Variants in MECOM observed in about 807,000 individuals in gnomAD.
MECOM encodes the protein histone-lysine N-methyltransferase MECOM.
MECOM carries 13 observed loss-of-function variants against 116.3 expected under a neutral mutation model. The ratio of observed to expected loss-of-function variants is 0.11; its 90% CI spans 0.07 to 0.18. MECOM has a LOEUF of 0.18. Ranked by LOEUF, MECOM falls within the 10% of genes least tolerant of loss-of-function variation. MECOM has a pLI of 1.00. For synonymous variants in MECOM, 528 were observed against 535.2 expected, an observed-to-expected ratio of 0.99 and a Z score of 0.19; for missense variants, 1,299 against 1,509.0, an observed-to-expected ratio of 0.86 and a Z score of 2.31.
At chr3:169,424,521 C>A (rs931787594) in intron 1 of MECOM, among the ~76,000 whole-genome samples, 2 of 152,128 alleles carry the variant, frequency 1.3e-5, no homozygotes, top group Non-Finnish European at 2.9e-5. Context: ...CACAATTGTA[C>A]AAACCTCCAT....
At chr3:169,638,054 C>A (rs182291706) in intron 1 of MECOM, among the ~76,000 whole-genome samples, 3 of 152,230 alleles carry the variant, frequency 2.0e-5, no homozygotes, top group East Asian at 3.9e-4. Flanking sequence ...TCATCTGACA[C>A]CTGAAGGATG....
intron 2 of MECOM, among the ~76,000 whole-genome samples, chr3:169,170,470 A>G (rs1744255334): frequency 6.6e-6 from 1 of 151,888 alleles, no homozygotes; most frequent in Non-Finnish European, 1.5e-5. Context: ...CAACCCTCGA[A>G]TTACATTGTT....
At position 169,209,506 on chromosome 3, in the gene MECOM, C is replaced by T. The variant is rs144122326; in HGVS notation, c.376-65674G>A. Among the ~76,000 whole-genome samples, 776 of 150,120 alleles carry T rather than the reference C, an allele frequency of 5.2e-3. 25 individuals are homozygous for T. Among genetic ancestry groups the T allele is most frequent in the Admixed American group, 0.044 (669 of 15,162 alleles). On this transcript the variant is annotated intron_variant, in intron 2 of 16. Transcript: ENST00000651503. ...TCTACAAGGAACTTAAACAAATTTA[C>T]GAGAAAAAAACAAACAACCCCATCA...
chr3:169,182,460 C>G (rs1746095351), intron 2 of MECOM, among the ~76,000 whole-genome samples: 1 of 152,184 alleles, frequency 6.6e-6, no homozygotes, highest in Non-Finnish European at 1.5e-5. Flanking sequence ...CAGTAGAGAT[C>G]CAACTTATTT....
chr3:169,315,848 A>G (rs1719651255), intron 2 of MECOM, among the ~76,000 whole-genome samples: 1 of 152,210 alleles, frequency 6.6e-6, no homozygotes, highest in African/African-American at 2.4e-5. Context: ...CAATGTAATG[A>G]CATAGATATA....
At chr3:169,638,954 T>C (rs934429157) in intron 1 of MECOM, among the ~76,000 whole-genome samples, 8 of 151,872 alleles carry the variant, frequency 5.3e-5, no homozygotes, top group African/African-American at 1.7e-4. Flanking sequence ...ATTTCTGAGC[T>C]AAAGTAGTTG....
At chr3:169,644,320 A>G (rs1239173391) in intron 1 of MECOM, among the ~76,000 whole-genome samples, 1 of 151,922 alleles carries the variant, frequency 6.6e-6, no homozygotes, top group Non-Finnish European at 1.5e-5. Context: ...GCAGTGGTAC[A>G]ATCTTGGCTC....
chr3:169,452,715 C>T (rs900131989), intron 1 of MECOM, among the ~76,000 whole-genome samples: 9 of 152,306 alleles, frequency 5.9e-5, no homozygotes, highest in East Asian at 5.8e-4. Context: ...AGCACACATA[C>T]TTGCCATATA....
At chr3:169,643,480 G>A (rs778637059) in intron 1 of MECOM, among the ~76,000 whole-genome samples, 36 of 152,006 alleles carry the variant, frequency 2.4e-4, no homozygotes, top group Middle Eastern at 3.2e-3. Context: ...CTGCCATCCC[G>A]TATCCCACCC....
At chr3:169,489,599 C>G (rs1276636565) in intron 1 of MECOM, among the ~76,000 whole-genome samples, 3 of 152,054 alleles carry the variant, frequency 2.0e-5, no homozygotes, top group Non-Finnish European at 2.9e-5. Flanking sequence ...TTTGTGGGAA[C>G]TTGGTATATG....
intron 2 of MECOM, chr3:169,147,324 C>A: frequency 2.0e-6 from 2 of 985,580 alleles, no homozygotes; most frequent in Non-Finnish European, 2.4e-6. Flanking sequence ...CCTGGACCCT[C>A]ACGGGATCGT....
chr3:169,433,407 G>T (rs1741966230), intron 1 of MECOM, among the ~76,000 whole-genome samples: 1 of 152,050 alleles, frequency 6.6e-6, no homozygotes, highest in Non-Finnish European at 1.5e-5. Flanking sequence ...GGCAGAGGTT[G>T]CAGTGAGCAG....
chr3:169,587,769 G>A (rs1765943255), intron 1 of MECOM, among the ~76,000 whole-genome samples: 1 of 151,946 alleles, frequency 6.6e-6, no homozygotes, highest in South Asian at 2.1e-4. Context: ...ATAGCCTAAT[G>A]CTTCATGGAA....
At chr3:169,575,802 C>A (rs993803536) in intron 1 of MECOM, among the ~76,000 whole-genome samples, 8 of 151,972 alleles carry the variant, frequency 5.3e-5, no homozygotes, top group African/African-American at 1.5e-4. Context: ...ATCTGGAGCC[C>A]CTCCTCTTCA....
intron 2 of MECOM, among the ~76,000 whole-genome samples, chr3:169,179,504 A>G (rs1204640493): frequency 6.6e-6 from 1 of 152,212 alleles, no homozygotes; most frequent in African/African-American, 2.4e-5. Context: ...ATGAAATGCA[A>G]TGAAAAAGCT....
intron 2 of MECOM, among the ~76,000 whole-genome samples, chr3:169,176,624 A>G (rs1745211378): frequency 6.6e-6 from 1 of 152,182 alleles, no homozygotes. Flanking sequence ...AATGAGATCT[A>G]ATTAAACTAA....
chr3:169,607,311 G>A (rs1768713670), intron 1 of MECOM, among the ~76,000 whole-genome samples: 1 of 152,124 alleles, frequency 6.6e-6, no homozygotes, highest in Admixed American at 6.5e-5. Context: ...CACATAATAT[G>A]AAATAAAACT....
intron 1 of MECOM, among the ~76,000 whole-genome samples, chr3:169,425,182 C>T (rs1342765840): frequency 2.0e-5 from 3 of 151,354 alleles, no homozygotes; most frequent in Non-Finnish European, 2.9e-5. Context: ...ATCTAATTCT[C>T]CTGTCTCAGA....
chr3:169,428,560 C>A (rs565165229), intron 1 of MECOM, among the ~76,000 whole-genome samples: 20 of 152,094 alleles, frequency 1.3e-4, no homozygotes, highest in Non-Finnish European at 2.8e-4. Flanking sequence ...GATTGCAGAC[C>A]CCTGCTTTAA....
Sources: gnomAD v4.1 joint callset for allele counts (sites outside exome capture counted in the v4.1 genomes callset) on GRCh38, gnomAD v4.1.1 for gene constraint, MANE v1.5 for transcripts, NCBI Gene and HGNC (gene_info 2026-07-23, HGNC 2026-07-21) for gene names.